NKAIN1: variants seen among roughly 807,000 people sequenced by gnomAD.
NKAIN1 encodes the protein sodium/potassium-transporting ATPase subunit beta-1-interacting protein 1.
Under a neutral mutation model 31.6 loss-of-function variants are expected in NKAIN1, and 13 were observed. That is an observed-to-expected ratio of 0.41 (90% CI 0.27 to 0.65). The LOEUF is 0.65. Among genes scored for constraint, NKAIN1 ranks in the 30% least tolerant of loss-of-function variants. NKAIN1 has a pLI of 0.30. For missense variants in NKAIN1, 193 were observed against 262.2 expected (o/e 0.74, Z 1.82); for synonymous variants, 104 against 109.0 (o/e 0.95, Z 0.28).
At chr1:31,235,065 G>A (rs937933057) in intron 1 of NKAIN1, among the ~76,000 whole-genome samples, 1 of 152,166 alleles carries the variant, frequency 6.6e-6, no homozygotes, top group Non-Finnish European at 1.5e-5. Context: ...ACTTTGCCAA[G>A]CACTTTACAT....
At chr1:31,208,719 G>T (rs891097822) in intron 1 of NKAIN1, among the ~76,000 whole-genome samples, 5 of 152,098 alleles carry the variant, frequency 3.3e-5, no homozygotes, top group African/African-American at 1.2e-4. Flanking sequence ...AAGCTGCCCC[G>T]GACTTTGAGA....
chr1:31,234,344 A>C (rs1486530270), intron 1 of NKAIN1, among the ~76,000 whole-genome samples: 1 of 151,990 alleles, frequency 6.6e-6, no homozygotes, highest in Admixed American at 6.6e-5. Flanking sequence ...GCTGGAGCCC[A>C]TCTCCCTTTG....
intron 1 of NKAIN1, among the ~76,000 whole-genome samples, chr1:31,211,186 G>C (rs1431516742): frequency 1.3e-5 from 2 of 152,206 alleles, no homozygotes; most frequent in South Asian, 2.1e-4. Context: ...GAAATCAAAG[G>C]CATCCACACT....
At chr1:31,182,419 G>T (rs887409814) in intron 5 of NKAIN1, 111 bp downstream of exon 5, 2 of 1,204,312 alleles carry the variant, frequency 1.7e-6, no homozygotes, top group Non-Finnish European at 2.4e-6. Context: ...CTCGAAAGGG[G>T]CCCGTGGCCG....
chr1:31,184,854 GAATT>G (rs1645230357), intron 3 of NKAIN1, among the ~76,000 whole-genome samples: 1 of 152,118 alleles, frequency 6.6e-6, no homozygotes, highest in African/African-American at 2.4e-5. Context: ...ATATTGATCA[GAATT>G]AACCCAAATC....
chr1:31,213,264 T>TA (rs1645484809), intron 1 of NKAIN1, among the ~76,000 whole-genome samples: 1 of 151,874 alleles, frequency 6.6e-6, no homozygotes, highest in Non-Finnish European at 1.5e-5. Context: ...ATAACCCAAT[T>TA]AAAAATGGAA....
chr1:31,229,576 G>A (rs564851836), intron 1 of NKAIN1, among the ~76,000 whole-genome samples: 3 of 151,798 alleles, frequency 2.0e-5, no homozygotes, highest in South Asian at 2.1e-4. Context: ...ACGGAGTTTC[G>A]CTCTTGTTAC....
chr1:31,220,174 A>ATTTT (rs552267355), intron 1 of NKAIN1, among the ~76,000 whole-genome samples: 1 of 127,274 alleles, frequency 7.9e-6, no homozygotes, highest in Non-Finnish European at 1.7e-5. Context: ...CGCCCAGCTA[A>ATTTT]TTTTTTTTTT....
chr1:31,193,556 C>T (rs571291891), intron 1 of NKAIN1, among the ~76,000 whole-genome samples: 2 of 151,520 alleles, frequency 1.3e-5, no homozygotes, highest in African/African-American at 4.8e-5. Flanking sequence ...ATTAGCTGGG[C>T]GTGGTGGCAC....
intron 1 of NKAIN1, among the ~76,000 whole-genome samples, chr1:31,231,062 T>G (rs769936239): frequency 2.6e-5 from 4 of 151,902 alleles, no homozygotes; most frequent in Non-Finnish European, 4.4e-5. Flanking sequence ...TTTTGTATTT[T>G]TAGTACAAAT....
At chr1:31,188,556 A>G (rs2124166956) in intron 1 of NKAIN1, among the ~76,000 whole-genome samples, 1 of 152,228 alleles carries the variant, frequency 6.6e-6, no homozygotes, top group Non-Finnish European at 1.5e-5. Flanking sequence ...CACCTCTTCC[A>G]AGGATCCCCA....
intron 1 of NKAIN1, among the ~76,000 whole-genome samples, chr1:31,201,905 C>T (rs1395505288): frequency 1.3e-5 from 2 of 152,220 alleles, no homozygotes; most frequent in Non-Finnish European, 2.9e-5. Context: ...TAATCTTCCT[C>T]CTCCTCGGGA....
At chr1:31,226,043 GGGAATA>G (rs1645601548) in intron 1 of NKAIN1, among the ~76,000 whole-genome samples, 1 of 152,246 alleles carries the variant, frequency 6.6e-6, no homozygotes, top group Admixed American at 6.5e-5. Flanking sequence ...GCTTCACCCA[GGGAATA>G]TAAAAGGTTT....
chr1:31,211,973 T>A (rs565205011), intron 1 of NKAIN1, among the ~76,000 whole-genome samples: 5 of 151,740 alleles, frequency 3.3e-5, no homozygotes, highest in East Asian at 1.9e-4. Flanking sequence ...AAAACAAAAA[T>A]ATATATATGG....
Position 31,185,143 on chromosome 1 carries a change from C to A in NKAIN1, c.273+104G>T, listed in dbSNP as rs568027902. 5.8e-6 allele frequency: 5 copies of A among 867,642 alleles called. No individual in the cohort carries two copies. The African/African-American group carries it at 6.7e-5, about 12-fold the overall frequency. The allele number at this position is 867,642 out of a possible 1,614,324, so 53.7% of individuals were successfully genotyped here. On this transcript the variant is annotated intron_variant, in intron 3 of 6. Coordinates refer to ENST00000373736, the MANE Select transcript of NKAIN1 (RefSeq NM_024522.3). ...ATTTGGGCATGTAAGGAGAGAGAGA[C>A]TTCTTCGAGACATGATGCTCTGGTC...
chr1:31,197,202 C>T (rs1371677148), intron 1 of NKAIN1, among the ~76,000 whole-genome samples: 2 of 151,110 alleles, frequency 1.3e-5, no homozygotes, highest in African/African-American at 4.9e-5. Context: ...AGCTCTGCCT[C>T]CCAGGTTCAC....
rs1431195439 is a variant in NKAIN1, at chr1:31,181,626, C to G, written c.*77G>C. On this transcript the variant is annotated 3_prime_UTR_variant, in exon 7 of 7. Transcript: ENST00000373736. ...GAGCGCGCGGGCCACCAGGGGGACA[C>G]GCCTGCGCCTTGGCCCGAGCTCGCG... 1 of 1,378,682 alleles carries G rather than the reference C, an allele frequency of 7.3e-7. No individual in the cohort carries two copies. Among genetic ancestry groups the G allele is most frequent in the East Asian group, 2.6e-5 (1 of 38,378 alleles). 85.4% of individuals were successfully genotyped at this position (1,378,682 alleles called of 1,614,324 possible).
At chr1:31,185,171 A>C (rs1645232987) in intron 3 of NKAIN1, 76 bp downstream of exon 3, 3 of 1,208,378 alleles carry the variant, frequency 2.5e-6, no homozygotes, top group Non-Finnish European at 3.6e-6. Flanking sequence ...CTCTGGTCCT[A>C]TACCACAGTA....
chr1:31,191,400 GTTTTTTT>G (rs34521416), intron 1 of NKAIN1, among the ~76,000 whole-genome samples: 4 of 134,138 alleles, frequency 3.0e-5, no homozygotes, highest in African/African-American at 8.3e-5. Context: ...ACAGAGAGAG[GTTTTTTT>G]TTTTTTTTTT....
Sources: allele counts gnomAD v4.1 joint callset (sites outside exome capture counted in the v4.1 genomes callset), GRCh38; gene constraint gnomAD v4.1.1; transcripts MANE v1.5; gene names NCBI Gene and HGNC (gene_info 2026-07-23, HGNC 2026-07-21).